Variants in SART3 observed in about 807,000 individuals in gnomAD.
SART3 encodes the protein spliceosome associated factor 3, U4/U6 recycling protein, also known as HIV-1 Tat-interacting protein of 110kDa.
SART3 carries 44 observed loss-of-function variants against 122.3 expected under a neutral mutation model. That is an observed-to-expected ratio of 0.36 (90% confidence interval 0.28 to 0.46). The LOEUF is 0.46. Among genes scored for constraint, SART3 ranks in the 20% least tolerant of loss-of-function variants. SART3 has a pLI of 1.00. For missense variants in SART3, 1,101 were observed against 1,229.0 expected (o/e 0.90, Z 1.56); for synonymous variants, 442 against 454.0 (o/e 0.97, Z 0.34).
At chr12:108,527,772 T>C (rs1872456868) in intron 15 of SART3, among the ~76,000 whole-genome samples, 1 of 152,208 alleles carries the variant, frequency 6.6e-6, no homozygotes, top group Non-Finnish European at 1.5e-5. Context: ...TTTTTTGTTT[T>C]GTTTTGTTTT....
chr12:108,557,321 C>T (rs1163952863), intron 1 of SART3, among the ~76,000 whole-genome samples: 1 of 144,498 alleles, frequency 6.9e-6, no homozygotes, highest in Non-Finnish European at 1.5e-5. Context: ...TCAGGCGATT[C>T]TCCTGCCTCA....
intron 3 of SART3, among the ~76,000 whole-genome samples, chr12:108,546,135 G>A (rs1873406451): frequency 6.6e-6 from 1 of 152,130 alleles, no homozygotes. Context: ...TAGTAGCAAT[G>A]CTTCTCACAG....
intron 1 of SART3, among the ~76,000 whole-genome samples, chr12:108,552,144 C>T (rs572151075): frequency 1.3e-5 from 2 of 151,946 alleles, no homozygotes; most frequent in African/African-American, 4.8e-5. Context: ...AATCCAACAA[C>T]GATTCATGGT....
chr12:108,550,407 T>C (rs1197304537), intron 1 of SART3, among the ~76,000 whole-genome samples: 1 of 152,150 alleles, frequency 6.6e-6, no homozygotes, highest in Admixed American at 6.5e-5. Flanking sequence ...CAACACAGTA[T>C]TATTTAAAAG....
At position 108,561,172 on chromosome 12, in the gene SART3, T is replaced by C; in HGVS notation, c.-18A>G. 26 of 1,602,708 alleles carry C rather than the reference T, an allele frequency of 1.6e-5. No individual in the cohort carries two copies. The highest frequency in any genetic ancestry group is 2.1e-5 in the Non-Finnish European group (24 of 1,170,584). On this transcript the variant is annotated 5_prime_UTR_variant, in exon 1 of 19. Coordinates refer to ENST00000546815, the MANE Select transcript of SART3 (RefSeq NM_014706.4). ...GTCGCCATCTTGCGCTTCTAATGAC[T>C]CTCGGGTCTTCCCGCGGCCGCCGAA... is the stretch of plus-strand genomic sequence containing the variant.
rs771692147 is a variant in SART3 at position 108,560,917 on chromosome 12, G to A, written c.238C>T (p.Pro80Ser). 1.9e-6 allele frequency: 3 copies of A among 1,613,868 alleles called. No individual in the cohort carries two copies. Among genetic ancestry groups the A allele is most frequent in the South Asian group, 1.1e-5 (1 of 91,038 alleles). The part of the protein sequence containing the change: ...YAMASSAESS[P>S]GEYEWEYDEE... ...TCATATTCCCACTCGTACTCCCCGGGGGAGCTCTCCGCGGAGGAAGCCATG... is the reference window on the plus strand; with the variant it reads ...TCATATTCCCACTCGTACTCCCCGGAGGAGCTCTCCGCGGAGGAAGCCATG... The change falls in exon 1 of 19, where the codon CCC becomes TCC. Residue 80 changes from proline (P) to serine (S), a missense_variant. Around this residue, in one of 2 missense-constraint regions of SART3, gnomAD observed 216 missense variants for 148.9 expected, o/e 1.45. Coordinates refer to ENST00000546815, the MANE Select transcript of SART3 (RefSeq NM_014706.4).
chr12:108,535,723 G>C (rs1158749917), intron 11 of SART3: 1 of 436,448 alleles, frequency 2.3e-6, no homozygotes, highest in Non-Finnish European at 4.3e-6. Flanking sequence ...TTACTCGACA[G>C]TACTAGATAG....
chr12:108,545,966 T>A (rs201882440), intron 3 of SART3, among the ~76,000 whole-genome samples: 7 of 24,146 alleles, frequency 2.9e-4, no homozygotes, highest in East Asian at 4.5e-3. Flanking sequence ...AGACTCTCTC[T>A]CAAAAAAAAA....
At chr12:108,546,578 T>G (rs1241574569) in intron 3 of SART3, among the ~76,000 whole-genome samples, 2 of 147,364 alleles carry the variant, frequency 1.4e-5, no homozygotes, top group Non-Finnish European at 3.0e-5. Flanking sequence ...TGGAGTACAG[T>G]GGCACAATCT....
chr12:108,537,417 C>A, intron 9 of SART3, 71 bp downstream of exon 9: 1 of 1,158,130 alleles, frequency 8.6e-7, no homozygotes, highest in Non-Finnish European at 1.3e-6. Context: ...ATCTGGGGAA[C>A]TGGGACATCT....
At chr12:108,532,938 G>A (rs1003833749) in intron 12 of SART3, among the ~76,000 whole-genome samples, 1 of 152,126 alleles carries the variant, frequency 6.6e-6, no homozygotes, top group African/African-American at 2.4e-5. Flanking sequence ...ATTTCTAATA[G>A]AGACAGGTTT....
chr12:108,544,599 T>G, intron 4 of SART3, 121 bp from the exon 5 acceptor site: 1 of 1,390,010 alleles, frequency 7.2e-7, no homozygotes, highest in South Asian at 1.2e-5. Flanking sequence ...GAAGGGTTCT[T>G]GCTGTCACCC....
At chr12:108,525,984 G>A (rs1872354954) in intron 16 of SART3, 115 bp downstream of exon 16, 1 of 902,520 alleles carries the variant, frequency 1.1e-6, no homozygotes, top group Non-Finnish European at 1.7e-6. Flanking sequence ...AGGAAGTTTA[G>A]ATCCAAACAG....
intron 1 of SART3, among the ~76,000 whole-genome samples, chr12:108,549,980 T>TC (rs1489134679): frequency 1.5e-5 from 2 of 131,250 alleles, no homozygotes; most frequent in Non-Finnish European, 3.1e-5. Flanking sequence ...ACCACTGCAC[T>TC]CTAGGCCTGG....
rs1229930991 is a variant in SART3, at chr12:108,523,309, C to T, written c.*148G>A. 2 of 846,216 alleles carry T rather than the reference C, an allele frequency of 2.4e-6. No individual in the cohort carries two copies. The highest frequency in any genetic ancestry group is 1.7e-5 in the African/African-American group (1 of 60,278). 52.4% of individuals were successfully genotyped at this position (846,216 alleles called of 1,614,324 possible). A position where few individuals can be genotyped will look rare whatever the true frequency, so the allele number is the denominator to read the frequency against. On this transcript the variant is annotated 3_prime_UTR_variant, in exon 19 of 19. Coordinates refer to ENST00000546815, the MANE Select transcript of SART3 (RefSeq NM_014706.4). Reference sequence around the variant, plus strand: ...CTGAAAGGCTCTTGACTTAGAACCCCTTCCCCTTTCTGTCTAAAGCCGAGG... The same window carrying T: ...CTGAAAGGCTCTTGACTTAGAACCCTTTCCCCTTTCTGTCTAAAGCCGAGG...
At chr12:108,556,983 A>T (rs2030246620) in intron 1 of SART3, among the ~76,000 whole-genome samples, 1 of 151,598 alleles carries the variant, frequency 6.6e-6, no homozygotes, top group Non-Finnish European at 1.5e-5. Context: ...AAAAGTCGCT[A>T]AAGTCAAGAA....
At position 108,530,287 on chromosome 12, in the gene SART3, A is replaced by T. The variant is rs765631090; in HGVS notation, c.1770T>A (p.Leu590=). 6 of 1,614,032 alleles carry T rather than the reference A, an allele frequency of 3.7e-6. No individual in the cohort carries two copies. The highest frequency in any genetic ancestry group is 1.1e-5 in the South Asian group (1 of 91,062). The change falls in exon 15 of 19, where the codon CTT becomes CTA. Residue 590 remains leucine (L), a synonymous_variant. Transcript: ENST00000546815. ...CAGCCTTTTCTTCTTCTTGCTGCAC[A>T]AGGGCTGCTTCCTTCTCTGCAGCCT... The part of the protein sequence containing the change: ...RMKAAEKEAA[L]VQQEEEKAEQ...
At chr12:108,536,447 T>C in intron 11 of SART3, 67 bp downstream of exon 11, 1 of 1,499,162 alleles carries the variant, frequency 6.7e-7, no homozygotes, top group Non-Finnish European at 9.3e-7. Flanking sequence ...TCAATTTTAA[T>C]TAAAGTTTAA....
chr12:108,555,884 C>G (rs4964266), intron 1 of SART3, among the ~76,000 whole-genome samples: 17,126 of 152,026 alleles, frequency 0.11, 1,375 homozygotes, highest in Admixed American at 0.27. Context: ...AGAAAAAAAG[C>G]AGGTAGGAGG....
Sources: allele counts gnomAD v4.1 joint callset (sites outside exome capture counted in the v4.1 genomes callset), GRCh38; gene constraint gnomAD v4.1.1; regional missense constraint gnomAD v4.1.1; transcripts MANE v1.5; gene names NCBI Gene and HGNC (gene_info 2026-07-23, HGNC 2026-07-21).